Variants in DYSF observed in about 807,000 individuals in gnomAD.
DYSF encodes the protein dysferlin.
Under a neutral mutation model 274.9 loss-of-function variants are expected in DYSF, and 212 were observed. That is an observed-to-expected ratio of 0.77 (90% confidence interval 0.69 to 0.86). The LOEUF (loss-of-function observed/expected upper bound fraction) is 0.86. DYSF is among the 40% of genes least tolerant of loss of function. The pLI, the probability that DYSF is intolerant of heterozygous loss-of-function variation, is 0.00. For synonymous variants in DYSF, 1,091 were observed against 1,078.7 expected, an observed-to-expected ratio of 1.01 and a Z score of -0.22; for missense variants, 2,666 against 2,783.2, an observed-to-expected ratio of 0.96 and a Z score of 0.95.
At chr2:71,683,294 G>A (rs1050894835) in intron 55 of DYSF, among the ~76,000 whole-genome samples, 3 of 152,136 alleles carry the variant, frequency 2.0e-5, no homozygotes, top group Non-Finnish European at 4.4e-5. Context: ...GAAGCCAATT[G>A]ATGAGCTTGT....
At chr2:71,462,541 T>G (rs919682816), upstream of DYSF, among the ~76,000 whole-genome samples, 2 of 152,204 alleles carry the variant, frequency 1.3e-5, no homozygotes, top group Admixed American at 6.5e-5. Flanking sequence ...TACAGCTCTT[T>G]CAGTCCTGCT....
chr2:71,467,718 C>A (rs553586257), intron 1 of DYSF, among the ~76,000 whole-genome samples: 8 of 152,146 alleles, frequency 5.3e-5, no homozygotes, highest in African/African-American at 1.7e-4. Context: ...GAGTCAGGAC[C>A]CCAGTTCTGC....
At chr2:71,520,762 A>T (rs114703564) in intron 11 of DYSF, 27 bp from the exon 12 acceptor site, 109 of 1,606,558 alleles carry the variant, frequency 6.8e-5, no homozygotes, top group Non-Finnish European at 9.1e-5. Flanking sequence ...TGATTCTGGG[A>T]TCACCAGAGG....
At chr2:71,620,672 G>GT in intron 41 of DYSF, 63 bp downstream of exon 41, 7 of 936,400 alleles carry the variant, frequency 7.5e-6, no homozygotes, top group Admixed American at 2.2e-5. Flanking sequence ...GGGTAGGGGG[G>GT]TTAGGAGGGA....
chr2:71,667,811 T>C (rs575040245), intron 48 of DYSF, among the ~76,000 whole-genome samples: 1 of 152,240 alleles, frequency 6.6e-6, no homozygotes, highest in East Asian at 1.9e-4. Flanking sequence ...GCCTCTCTGT[T>C]TCAGCCTGAC....
At chr2:71,496,123 C>G (rs1206933674) in intron 3 of DYSF, among the ~76,000 whole-genome samples, 1 of 151,966 alleles carries the variant, frequency 6.6e-6, no homozygotes, top group Non-Finnish European at 1.5e-5. Context: ...ACTATTAGAC[C>G]TCCCAGCCTC....
At chr2:71,560,095 G>A (rs1380556979) in intron 22 of DYSF, among the ~76,000 whole-genome samples, 1 of 152,190 alleles carries the variant, frequency 6.6e-6, no homozygotes, top group Non-Finnish European at 1.5e-5. Flanking sequence ...TTAGGGCTGG[G>A]TGGAGCGCCA....
chr2:71,532,634 G>A (rs1240883996), intron 14 of DYSF, among the ~76,000 whole-genome samples: 1 of 152,164 alleles, frequency 6.6e-6, no homozygotes, highest in Non-Finnish European at 1.5e-5. Flanking sequence ...AAGTGTTTGC[G>A]ATGGAGGAGG....
intron 41 of DYSF, among the ~76,000 whole-genome samples, chr2:71,632,740 G>A (rs527286595): frequency 6.6e-6 from 1 of 152,116 alleles, no homozygotes; most frequent in South Asian, 2.1e-4. Context: ...GCATAGTTGT[G>A]TGGGATCATG....
chr2:71,599,303 C>G (rs752493800), intron 33 of DYSF, among the ~76,000 whole-genome samples: 1 of 152,052 alleles, frequency 6.6e-6, no homozygotes, highest in Admixed American at 6.5e-5. Flanking sequence ...AAAAAGGGAG[C>G]CTCTAGCTGC....
chr2:71,648,814 G>GT (rs1558721825), intron 42 of DYSF, among the ~76,000 whole-genome samples: 1 of 151,822 alleles, frequency 6.6e-6, no homozygotes, highest in East Asian at 1.9e-4. Context: ...CCATTTTTTC[G>GT]TAACAGCATT....
upstream of DYSF, among the ~76,000 whole-genome samples, chr2:71,462,063 T>C (rs1043349475): frequency 2.6e-5 from 4 of 152,168 alleles, no homozygotes; most frequent in African/African-American, 9.6e-5. Flanking sequence ...GGTAGCACCT[T>C]TGCCTGAATT....
chr2:71,659,181 G>A, intron 44 of DYSF, 148 bp downstream of exon 44: 1 of 1,179,048 alleles, frequency 8.5e-7, no homozygotes, highest in East Asian at 2.5e-5. Flanking sequence ...CCTGGATGGA[G>A]TTGTGTTAAG....
intron 30 of DYSF, among the ~76,000 whole-genome samples, chr2:71,577,492 A>AAC (rs571266520): frequency 6.9e-5 from 10 of 145,766 alleles, no homozygotes; most frequent in Admixed American, 2.1e-4. Context: ...CATATATACC[A>AAC]ACACACACAC....
chr2:71,549,290 A>G, intron 17 of DYSF: 1 of 1,540,862 alleles, frequency 6.5e-7, no homozygotes, highest in South Asian at 1.1e-5. Flanking sequence ...CTGTTCATGT[A>G]ACCCGTCCTT....
At chr2:71,643,103 G>A (rs2094512040) in intron 41 of DYSF, among the ~76,000 whole-genome samples, 1 of 152,110 alleles carries the variant, frequency 6.6e-6, no homozygotes, top group Admixed American at 6.5e-5. Flanking sequence ...GCTTCAGGGA[G>A]CTTGGTGACC....
intron 30 of DYSF, among the ~76,000 whole-genome samples, chr2:71,574,937 C>T (rs925579805): frequency 2.0e-5 from 3 of 152,150 alleles, no homozygotes; most frequent in Non-Finnish European, 4.4e-5. Context: ...CCAAAAGAGA[C>T]GAGCAGGTGT....
intron 17 of DYSF, among the ~76,000 whole-genome samples, chr2:71,545,317 T>C (rs138644070): frequency 1.3e-5 from 2 of 152,328 alleles, no homozygotes; most frequent in Non-Finnish European, 2.9e-5. Context: ...AACTCCCAGA[T>C]ACCCTCCCTG....
intron 30 of DYSF, among the ~76,000 whole-genome samples, chr2:71,582,364 C>T (rs1321031109): frequency 6.6e-6 from 1 of 152,180 alleles, no homozygotes; most frequent in African/African-American, 2.4e-5. Context: ...TTTAACCCTT[C>T]CAGCAGTTCT....
Sources: allele counts gnomAD v4.1 joint callset (sites outside exome capture counted in the v4.1 genomes callset), GRCh38; gene constraint gnomAD v4.1.1; transcripts MANE v1.5; gene names NCBI Gene and HGNC (gene_info 2026-07-23, HGNC 2026-07-21).